Variants in MAN1C1 observed in about 807,000 individuals in gnomAD.
MAN1C1 encodes mannosidase alpha class 1C member 1, also known as mannosyl-oligosaccharide 1,2-alpha-mannosidase IC.
MAN1C1 carries 49 observed loss-of-function variants against 71.5 expected under a neutral mutation model. The ratio of observed to expected loss-of-function variants is 0.69; its 90% CI spans 0.54 to 0.87. MAN1C1 has a LOEUF of 0.87. Ranked by LOEUF, MAN1C1 falls within the 40% of genes least tolerant of loss-of-function variation. MAN1C1 has a pLI of 0.00. For missense variants in MAN1C1, 743 were observed against 835.0 expected, an observed-to-expected ratio of 0.89 and a Z score of 1.36; for synonymous variants, 352 against 343.7, an observed-to-expected ratio of 1.02 and a Z score of -0.27.
In MAN1C1 at chr1:25,735,307, A is replaced by G. The variant is rs778826970; in HGVS notation, c.638-11361A>G. Among the ~76,000 whole-genome samples, 9 of 152,188 alleles carry G rather than the reference A, an allele frequency of 5.9e-5. No homozygotes were observed. Among genetic ancestry groups the G allele is most frequent in the Non-Finnish European group, 1.2e-4 (8 of 68,026 alleles). On this transcript the variant is annotated intron_variant, in intron 2 of 11. Transcript: ENST00000374332. This position sits in a 1 kb window ranked among gnomAD's most constrained non-coding sequence, Gnocchi z 4.6. Reference sequence around the variant, plus strand: ...CTGACGCATGCCTGTAATCCCAGCTACTTGGGAGGCTGAGGCAATGAGAAT... The same window carrying G: ...CTGACGCATGCCTGTAATCCCAGCTGCTTGGGAGGCTGAGGCAATGAGAAT...
chr1:25,781,377 C>T (rs2047692176), intron 10 of MAN1C1: 1 of 396,918 alleles, frequency 2.5e-6, no homozygotes, highest in Admixed American at 4.1e-5. Flanking sequence ...CAGGCCTCAG[C>T]AAACTTAGAG....
intron 2 of MAN1C1, among the ~76,000 whole-genome samples, chr1:25,729,654 G>A (rs1243029246): frequency 1.3e-5 from 2 of 151,968 alleles, no homozygotes; most frequent in African/African-American, 2.4e-5. Context: ...TGGGACTACA[G>A]GCGCCCACCA....
intron 1 of MAN1C1, among the ~76,000 whole-genome samples, chr1:25,620,378 GT>G (rs1231726307): frequency 6.6e-6 from 1 of 152,166 alleles, no homozygotes; most frequent in Non-Finnish European, 1.5e-5. Flanking sequence ...GGTTTCTGTT[GT>G]TTTGAAACCT....
chr1:25,685,821 G>T (rs2046221991), intron 1 of MAN1C1, among the ~76,000 whole-genome samples: 1 of 152,188 alleles, frequency 6.6e-6, no homozygotes, highest in East Asian at 1.9e-4. Flanking sequence ...AAGTAACTGG[G>T]GTGAGCTGGA....
At chr1:25,717,730 A>T (rs1304145744) in intron 2 of MAN1C1, among the ~76,000 whole-genome samples, 1 of 151,494 alleles carries the variant, frequency 6.6e-6, no homozygotes, top group Middle Eastern at 3.2e-3. Flanking sequence ...CACCCTGGCT[A>T]GTTTTGTATT....
intron 1 of MAN1C1, among the ~76,000 whole-genome samples, chr1:25,650,202 C>G (rs1206334941): frequency 6.6e-6 from 1 of 152,212 alleles, no homozygotes; most frequent in Non-Finnish European, 1.5e-5. Context: ...TGCCAAAAGA[C>G]AATGTCCTTC....
intron 1 of MAN1C1, among the ~76,000 whole-genome samples, chr1:25,653,687 G>A (rs182864903): frequency 4.7e-4 from 72 of 152,276 alleles, no homozygotes; most frequent in Non-Finnish European, 7.1e-4. Context: ...CTGTGGTTTG[G>A]CCTTGGCTCC....
chr1:25,774,007 T>G (rs1286495944), intron 8 of MAN1C1, among the ~76,000 whole-genome samples: 15 of 152,138 alleles, frequency 9.9e-5, no homozygotes. Flanking sequence ...TCCTTGGGAT[T>G]TCGTGTATAG....
At chr1:25,683,320 G>A (rs1399402102) in intron 1 of MAN1C1, among the ~76,000 whole-genome samples, 1 of 152,198 alleles carries the variant, frequency 6.6e-6, no homozygotes, top group African/African-American at 2.4e-5. Flanking sequence ...TTGCCCAGCA[G>A]CCCCTCCTCT....
At chr1:25,647,022 A>C (rs1330531699) in intron 1 of MAN1C1, among the ~76,000 whole-genome samples, 1 of 151,878 alleles carries the variant, frequency 6.6e-6, no homozygotes, top group Non-Finnish European at 1.5e-5. Context: ...ACCGCTTTAC[A>C]CTCTCAATAG....
chr1:25,696,486 C>A (rs936710405), intron 2 of MAN1C1, among the ~76,000 whole-genome samples: 1 of 152,056 alleles, frequency 6.6e-6, no homozygotes, highest in African/African-American at 2.4e-5. Flanking sequence ...TTGCACAAAT[C>A]TTAAGTGCAC....
rs775867851 is a variant in MAN1C1 at position 25,618,074 on chromosome 1, G to C, written c.277G>C (p.Glu93Gln). The change falls in exon 1 of 12, where the codon GAG becomes CAG. Residue 93 changes from glutamate (E) to glutamine (Q), a missense_variant. Coordinates refer to ENST00000374332, the MANE Select transcript of MAN1C1 (RefSeq NM_020379.4). Reference sequence around the variant, plus strand: ...GGCCCCCGCCGCGCCGGCCCCGGGCGAGGATGACCCCAGCAGCTGGGCCAG... The same window carrying C: ...GGCCCCCGCCGCGCCGGCCCCGGGCCAGGATGACCCCAGCAGCTGGGCCAG... ...NPAPAAPAPG[E>Q]DDPSSWASPR... 9 of 1,537,096 alleles carry C rather than the reference G, an allele frequency of 5.9e-6. No individual in the cohort carries two copies. In the South Asian group the frequency reaches 1.1e-4, roughly 18 times the overall value.
rs1484328389 is a variant in MAN1C1 at position 25,746,066 on chromosome 1, AG to A, written c.638-600del. 6.6e-6 allele frequency among the ~76,000 whole-genome samples: 1 copy of A among 152,022 alleles called. No individual in the cohort carries two copies. Among genetic ancestry groups the A allele is most frequent in the Non-Finnish European group, 1.5e-5 (1 of 68,000 alleles). On this transcript the variant is annotated intron_variant, in intron 2 of 11. Coordinates refer to ENST00000374332, the MANE Select transcript of MAN1C1 (RefSeq NM_020379.4). The surrounding 1 kb of genome is among the most constrained non-coding windows in gnomAD (Gnocchi z 4.0). The stretch of plus-strand genomic sequence containing the variant: ...CACGCCTGTAATCCAGCACTTTGGG[AG>A]GCCGAAGTGGGTGGATCACTTGAGG...
chr1:25,715,864 G>A (rs1425397603), intron 2 of MAN1C1, among the ~76,000 whole-genome samples: 1 of 152,182 alleles, frequency 6.6e-6, no homozygotes, highest in Non-Finnish European at 1.5e-5. Context: ...TAACCAAATA[G>A]TTTATTTCTT....
chr1:25,659,053 T>G (rs1309986063), intron 1 of MAN1C1: 2 of 152,498 alleles, frequency 1.3e-5, no homozygotes, highest in Non-Finnish European at 2.9e-5. Flanking sequence ...GTTGCAAGGC[T>G]GAGGAAGGAC....
At position 25,784,033 on chromosome 1, in the gene MAN1C1, C is replaced by T; in HGVS notation, c.*244C>T. ...TTCTACAGAGAATTTCTATGAAGCC[C>T]ACTCACTTGCCATTCCAGGGCCAAA... On this transcript the variant is annotated 3_prime_UTR_variant, in exon 12 of 12. Coordinates refer to ENST00000374332, the MANE Select transcript of MAN1C1 (RefSeq NM_020379.4). 1 of 440,010 alleles carries T rather than the reference C, an allele frequency of 2.3e-6. No homozygotes were observed. Among genetic ancestry groups the T allele is most frequent in the Admixed American group, 3.9e-5 (1 of 25,896 alleles). 27.3% of individuals were successfully genotyped at this position (440,010 alleles called of 1,614,324 possible).
intron 1 of MAN1C1, among the ~76,000 whole-genome samples, chr1:25,646,767 G>A (rs1339421078): frequency 1.3e-5 from 2 of 152,182 alleles, no homozygotes; most frequent in African/African-American, 2.4e-5. Context: ...TTTGATGGCC[G>A]GATAAAATCC....
At chr1:25,717,498 A>G (rs1394652239) in intron 2 of MAN1C1, among the ~76,000 whole-genome samples, 16 of 152,038 alleles carry the variant, frequency 1.1e-4, no homozygotes, top group Non-Finnish European at 2.4e-4. Context: ...GGTCCAACCT[A>G]GGCAACAGAG....
chr1:25,690,140 C>G (rs1362512690), intron 2 of MAN1C1, among the ~76,000 whole-genome samples: 2 of 152,150 alleles, frequency 1.3e-5, no homozygotes, highest in Non-Finnish European at 2.9e-5. Context: ...GTGTCCTAAG[C>G]AAGTCAGTGT....
Sources: allele counts gnomAD v4.1 joint callset (sites outside exome capture counted in the v4.1 genomes callset), GRCh38; gene constraint gnomAD v4.1.1; non-coding constraint Gnocchi (gnomAD v3.1); transcripts MANE v1.5; gene names NCBI Gene and HGNC (gene_info 2026-07-23, HGNC 2026-07-21).